The following WDHD1 variants were observed in gnomAD, a reference collection of about 807,000 sequenced individuals.
The protein encoded by WDHD1 is WD repeat and HMG-box DNA-binding protein 1.
WDHD1 carries 111 observed loss-of-function variants against 135.4 expected under a neutral mutation model. The observed-to-expected ratio is 0.82, with a 90% CI of 0.70 to 0.96. WDHD1 has a LOEUF of 0.96. WDHD1 is among the 40% of genes least tolerant of loss of function. The pLI, the probability that WDHD1 is intolerant of heterozygous loss-of-function variation, is 0.00. For missense variants in WDHD1, 1,351 were observed against 1,336.3 expected (o/e 1.01, Z -0.17); for synonymous variants, 434 against 439.0 (o/e 0.99, Z 0.14).
At chr14:55,022,776 C>T (rs1418299525) in intron 2 of WDHD1, among the ~76,000 whole-genome samples, 1 of 150,932 alleles carries the variant, frequency 6.6e-6, no homozygotes, top group Non-Finnish European at 1.5e-5. Context: ...TCTGCTGTCT[C>T]TTGGTCAGCA....
rs536441294 is a variant in WDHD1 at position 54,944,844 on chromosome 14, G to A, written c.3051-374C>T. ...GCTGGTCTCAAACTCCTGACCTCAC[G>A]TGATCTGCCCGCCTCGGCTTCCCAA... On this transcript the variant is annotated intron_variant, in intron 24 of 25. Transcript: ENST00000360586. 2.0e-5 allele frequency among the ~76,000 whole-genome samples: 3 copies of A among 152,162 alleles called. No homozygotes were observed. The East Asian group carries it at 5.8e-4, about 29-fold the overall frequency.
At chr14:55,018,631 A>C (rs567614103) in intron 2 of WDHD1, among the ~76,000 whole-genome samples, 2 of 152,366 alleles carry the variant, frequency 1.3e-5, no homozygotes, top group African/African-American at 4.8e-5. Context: ...GAACCTATAA[A>C]AATACTGAGG....
chr14:55,021,269 A>T (rs182758152), intron 2 of WDHD1, among the ~76,000 whole-genome samples: 25 of 152,354 alleles, frequency 1.6e-4, no homozygotes, highest in African/African-American at 5.8e-4. Context: ...CCCTTCTGCC[A>T]GATTGCCTAA....
At chr14:54,975,886 T>C (rs2041517256) in intron 16 of WDHD1, among the ~76,000 whole-genome samples, 1 of 152,146 alleles carries the variant, frequency 6.6e-6, no homozygotes, top group South Asian at 2.1e-4. Flanking sequence ...TTAAAGGATC[T>C]CTGAACAAAA....
chr14:54,941,227 T>C lies in WDHD1; in HGVS notation c.*263A>G, dbSNP rs1334999107. 4 of 281,322 alleles carry C rather than the reference T, an allele frequency of 1.4e-5. No individual in the cohort carries two copies. Among genetic ancestry groups the C allele is most frequent in the Non-Finnish European group, 2.6e-5 (4 of 153,016 alleles). The allele number at this position is 281,322 out of a possible 1,614,324, so 17.4% of individuals were successfully genotyped here. A position where few individuals can be genotyped will look rare whatever the true frequency, so the allele number is the denominator to read the frequency against. On this transcript the variant is annotated 3_prime_UTR_variant, in exon 26 of 26. Coordinates refer to ENST00000360586, the MANE Select transcript of WDHD1 (RefSeq NM_007086.4). ...AGGTTAAGAAACAAATTCAAATTGG[T>C]TGGAGCTTCAACTCAGTAATTACAA...
chr14:55,010,936 A>G (rs993160265), intron 3 of WDHD1, among the ~76,000 whole-genome samples: 6 of 152,230 alleles, frequency 3.9e-5, no homozygotes, highest in Non-Finnish European at 8.8e-5. Context: ...CTGCAGTGAT[A>G]TACCTACAAG....
chr14:55,005,156 G>A (rs921527695), intron 7 of WDHD1: 6 of 537,696 alleles, frequency 1.1e-5, no homozygotes, highest in Admixed American at 5.9e-5. Flanking sequence ...TTCCTGGATC[G>A]GCATCCACCA....
chr14:54,974,049 T>C (rs112076739), intron 16 of WDHD1, among the ~76,000 whole-genome samples: 4 of 150,330 alleles, frequency 2.7e-5, no homozygotes, highest in African/African-American at 9.8e-5. Flanking sequence ...GACGACGGAG[T>C]TTCCTGGAAA....
At chr14:54,964,625 C>T (rs1298474244) in intron 18 of WDHD1, among the ~76,000 whole-genome samples, 14 of 150,424 alleles carry the variant, frequency 9.3e-5, no homozygotes, top group African/African-American at 3.4e-4. Context: ...GGCAACAGAG[C>T]GAGACTTCGT....
chr14:55,026,908 G>T, intron 1 of WDHD1, 105 bp from the exon 2 acceptor site: 2 of 1,096,134 alleles, frequency 1.8e-6, no homozygotes, highest in Non-Finnish European at 2.7e-6. Context: ...GTTCTCCGCA[G>T]CCCGGTTTCC....
At chr14:54,945,924 T>C (rs2040916675) in intron 24 of WDHD1, among the ~76,000 whole-genome samples, 2 of 152,158 alleles carry the variant, frequency 1.3e-5, no homozygotes, top group South Asian at 4.1e-4. Flanking sequence ...TCTAAACTTT[T>C]TAAGGTTAAA....
intron 13 of WDHD1, 54 bp from the exon 14 acceptor site, chr14:54,987,441 T>C: frequency 7.1e-7 from 1 of 1,407,744 alleles, no homozygotes; most frequent in Admixed American, 2.2e-5. Flanking sequence ...TATTTACATA[T>C]ATATATATAT....
At chr14:54,967,464 T>C (rs12887148) in intron 16 of WDHD1, 70 bp from the exon 17 acceptor site, 20 of 1,072,276 alleles carry the variant, frequency 1.9e-5, no homozygotes, top group Non-Finnish European at 2.7e-5. Flanking sequence ...ATTTAAAAAG[T>C]TTTCAAAAGT....
intron 22 of WDHD1, 99 bp from the exon 23 acceptor site, chr14:54,957,303 C>T (rs1404691062): frequency 4.6e-6 from 6 of 1,291,288 alleles, no homozygotes; most frequent in African/African-American, 1.5e-5. Context: ...GTTTGTATTG[C>T]CATCTCATCT....
intron 7 of WDHD1, chr14:55,005,419 A>C: frequency 1.8e-6 from 1 of 570,716 alleles, no homozygotes; most frequent in Non-Finnish European, 3.4e-6. Context: ...TGGCAGCAGC[A>C]AACTTCAGCA....
chr14:54,966,832 C>T (rs2041354092), intron 17 of WDHD1, among the ~76,000 whole-genome samples: 1 of 152,186 alleles, frequency 6.6e-6, no homozygotes, highest in Non-Finnish European at 1.5e-5. Flanking sequence ...AAACAGTTTC[C>T]TAGCTATCAT....
At position 54,981,492 on chromosome 14, in the gene WDHD1, A is replaced by G. The variant is rs745419241; in HGVS notation, c.2063+48T>C. On this transcript the variant is annotated intron_variant, in intron 16 of 25. Transcript: ENST00000360586. ...AAAGGGCCTCATAAAAAGAATTTCAACATACTTTTTAAAAAGAGTCAACTT... is the reference window on the plus strand; with the variant it reads ...AAAGGGCCTCATAAAAAGAATTTCAGCATACTTTTTAAAAAGAGTCAACTT... The G allele has an allele frequency of 3.8e-6, 6 of 1,574,402 alleles. No homozygotes were observed. In the Admixed American group the frequency reaches 9.3e-5, roughly 24 times the overall value.
At chr14:55,000,148 A>G (rs981082765) in intron 10 of WDHD1, among the ~76,000 whole-genome samples, 2 of 152,230 alleles carry the variant, frequency 1.3e-5, no homozygotes, top group African/African-American at 4.8e-5. Context: ...AAAGTTGCTC[A>G]GTAAAGCTGT....
At chr14:54,946,512 G>T (rs2040928015) in intron 24 of WDHD1, among the ~76,000 whole-genome samples, 1 of 152,130 alleles carries the variant, frequency 6.6e-6, no homozygotes, top group Admixed American at 6.5e-5. Context: ...AAGAGAAAGG[G>T]TCTTGCTTTG....
Sources: allele counts gnomAD v4.1 joint callset (sites outside exome capture counted in the v4.1 genomes callset), GRCh38; gene constraint gnomAD v4.1.1; transcripts MANE v1.5; gene names NCBI Gene and HGNC (gene_info 2026-07-23, HGNC 2026-07-21).